The following CDCA7L variants were observed in gnomAD, a reference collection of about 807,000 sequenced individuals.
CDCA7L encodes the protein cell division cycle associated 7 like.
A neutral mutation model predicts 57.4 loss-of-function variants in CDCA7L; 44 were observed. That is an observed-to-expected ratio of 0.77 (90% CI 0.60 to 0.98). The LOEUF is 0.98. CDCA7L is among the 50% of genes least tolerant of loss of function. CDCA7L has a pLI of 0.00. For missense variants in CDCA7L, 644 were observed against 580.6 expected, an observed-to-expected ratio of 1.11 and a Z score of -1.12; for synonymous variants, 236 against 202.8, an observed-to-expected ratio of 1.16 and a Z score of -1.39.
chr7:21,916,229 T>C (rs1300926039), intron 2 of CDCA7L, among the ~76,000 whole-genome samples: 4 of 152,072 alleles, frequency 2.6e-5, no homozygotes, highest in Non-Finnish European at 4.4e-5. Flanking sequence ...TAGGACACAA[T>C]GTGAACCTCC....
intron 3 of CDCA7L, 117 bp from the exon 4 acceptor site, chr7:21,908,624 C>T (rs2128058612): frequency 9.0e-7 from 1 of 1,113,518 alleles, no homozygotes; most frequent in Non-Finnish European, 1.2e-6. Flanking sequence ...GAAAAGCTTC[C>T]CCTTCATATT....
At chr7:21,925,909 G>T (rs1244234371) in intron 1 of CDCA7L, among the ~76,000 whole-genome samples, 1 of 152,070 alleles carries the variant, frequency 6.6e-6, no homozygotes, top group Non-Finnish European at 1.5e-5. Flanking sequence ...TCATCAGATT[G>T]TGATGGGATC....
At position 21,911,622 on chromosome 7, in the gene CDCA7L, C is replaced by T. The variant is rs764560607; in HGVS notation, c.298G>A (p.Val100Ile). The T allele has an allele frequency of 5.0e-6, 8 of 1,611,450 alleles. No individual in the cohort carries two copies. In the South Asian group the frequency reaches 5.5e-5, roughly 11 times the overall value. Residue 100 changes from valine (V) to isoleucine (I), a missense_variant, in exon 3 of 10, where the codon GTA (valine) becomes ATA (isoleucine). Physicochemically the swap from Val to Ile is conservative, Grantham distance 29. Transcript: ENST00000406877. ...SDLNGKTNPE[V>I]MVVESDLSDD... ...CTTCCTGTTGTAATTATTACCATTA[C>T]TTCTGGGTTAGTCTTTCCATTCAGA...
intron 1 of CDCA7L, among the ~76,000 whole-genome samples, chr7:21,918,978 C>A (rs962778509): frequency 4.6e-5 from 7 of 151,414 alleles, no homozygotes; most frequent in African/African-American, 1.7e-4. Flanking sequence ...ATTGACAATT[C>A]TTTTTTTTTA....
At chr7:21,937,014 CA>C (rs1478234669) in intron 1 of CDCA7L, among the ~76,000 whole-genome samples, 1 of 152,014 alleles carries the variant, frequency 6.6e-6, no homozygotes, top group African/African-American at 2.4e-5. Context: ...TAACAATGAA[CA>C]ATTATGAAAA....
intron 1 of CDCA7L, among the ~76,000 whole-genome samples, chr7:21,937,966 A>G (rs1001822768): frequency 3.3e-5 from 5 of 152,210 alleles, no homozygotes; most frequent in Non-Finnish European, 5.9e-5. Flanking sequence ...AGCTAAAACT[A>G]TAAAACTCAT....
At chr7:21,936,052 A>G (rs1455798210) in intron 1 of CDCA7L, among the ~76,000 whole-genome samples, 1 of 152,196 alleles carries the variant, frequency 6.6e-6, no homozygotes, top group Non-Finnish European at 1.5e-5. Flanking sequence ...AGAGTACTAT[A>G]AACAACCGTA....
chr7:21,941,435 A>C (rs1292585787), intron 1 of CDCA7L, among the ~76,000 whole-genome samples: 1 of 152,216 alleles, frequency 6.6e-6, no homozygotes, highest in Non-Finnish European at 1.5e-5. Context: ...TGGGGCACGG[A>C]GAGTAGGGGA....
intron 2 of CDCA7L, among the ~76,000 whole-genome samples, chr7:21,914,710 C>T (rs1210995612): frequency 6.6e-6 from 1 of 152,150 alleles, no homozygotes; most frequent in Non-Finnish European, 1.5e-5. Context: ...CTTGGTACTT[C>T]CCAGATGTGG....
intron 1 of CDCA7L, among the ~76,000 whole-genome samples, chr7:21,940,658 T>C (rs368627290): frequency 2.6e-5 from 4 of 152,320 alleles, no homozygotes; most frequent in East Asian, 3.9e-4. Context: ...GTAACCTACA[T>C]AGCTGCAGGA....
chr7:21,909,846 A>C (rs1372106781), intron 3 of CDCA7L, among the ~76,000 whole-genome samples: 2 of 152,200 alleles, frequency 1.3e-5, no homozygotes, highest in Non-Finnish European at 2.9e-5. Flanking sequence ...ACCCAAGAGA[A>C]GAGCACAAGT....
Position 21,903,005 on chromosome 7 carries a change from T to TA in CDCA7L, c.1306dup (p.Tyr436LeufsTer2), listed in dbSNP as rs1308842625. 6.2e-7 allele frequency: 1 copy of TA among 1,614,098 alleles called. No homozygotes were observed. Among genetic ancestry groups the TA allele is most frequent in the East Asian group, 2.2e-5 (1 of 44,876 alleles). On this transcript the variant is annotated frameshift_variant, in exon 9 of 10. Transcript: ENST00000406877. LOFTEE classifies it high-confidence loss of function. ...CTCCAGATATTCCTTAACATTGTCA[T>TA]AACCATAAAACTTGGCCAGATGAAT...
chr7:21,911,897 A>G, intron 2 of CDCA7L, 143 bp from the exon 3 acceptor site: 1 of 663,486 alleles, frequency 1.5e-6, no homozygotes, highest in Non-Finnish European at 2.6e-6. Flanking sequence ...AATGTACTTA[A>G]TGCACTGAAC....
At chr7:21,921,357 A>AAAAAAC (rs1484580436) in intron 1 of CDCA7L, among the ~76,000 whole-genome samples, 1 of 151,756 alleles carries the variant, frequency 6.6e-6, no homozygotes, top group Non-Finnish European at 1.5e-5. Context: ...AAAAAAAAAA[A>AAAAAAC]ACTGTAAAAT....
At chr7:21,921,733 T>G (rs1399785788) in intron 1 of CDCA7L, among the ~76,000 whole-genome samples, 1 of 152,052 alleles carries the variant, frequency 6.6e-6, no homozygotes, top group Non-Finnish European at 1.5e-5. Flanking sequence ...TTTACATTAG[T>G]TGAACTTCTG....
chr7:21,909,540 A>T (rs918933806), intron 3 of CDCA7L, among the ~76,000 whole-genome samples: 1 of 152,214 alleles, frequency 6.6e-6, no homozygotes, highest in East Asian at 1.9e-4. Flanking sequence ...AAAAACGCAG[A>T]TAACTGCCAA....
chr7:21,901,315 C>CTGGAG lies in CDCA7L; in HGVS notation c.*1006_*1007insCTCCA. On this transcript the variant is annotated 3_prime_UTR_variant, in exon 10 of 10. Coordinates refer to ENST00000406877, the MANE Select transcript of CDCA7L (RefSeq NM_018719.5). ...GCAGTGAGGATTTTCTAGCATGTTGCTGCACTGTTCCCATGCACATTATTC... is the reference window on the plus strand; with the variant it reads ...GCAGTGAGGATTTTCTAGCATGTTGCTGGAGTGCACTGTTCCCATGCACATTATTC... 18 of 1,513,874 alleles carry CTGGAG rather than the reference C, an allele frequency of 1.2e-5. No homozygotes were observed. In the South Asian group the frequency reaches 2.5e-4, roughly 21 times the overall value. 93.8% of individuals were successfully genotyped at this position (1,513,874 alleles called of 1,614,324 possible).
intron 1 of CDCA7L, among the ~76,000 whole-genome samples, chr7:21,934,385 T>A (rs143364019): frequency 1.1e-3 from 168 of 152,078 alleles, no homozygotes; most frequent in African/African-American, 3.6e-3. Flanking sequence ...TTATATGTAA[T>A]CTCCATGGTA....
intron 1 of CDCA7L, among the ~76,000 whole-genome samples, chr7:21,917,592 T>C (rs1243004945): frequency 6.6e-6 from 1 of 152,224 alleles, no homozygotes; most frequent in East Asian, 1.9e-4. Context: ...TGTGAAAAAA[T>C]AGTACAAACA....
Sources: allele counts gnomAD v4.1 joint callset (sites outside exome capture counted in the v4.1 genomes callset), GRCh38; gene constraint gnomAD v4.1.1; transcripts MANE v1.5; gene names NCBI Gene and HGNC (gene_info 2026-07-23, HGNC 2026-07-21).